Variants in PDE1C observed in about 807,000 individuals in gnomAD.
PDE1C encodes the protein phosphodiesterase 1C, also known as dual specificity calcium/calmodulin-dependent 3',5'-cyclic nucleotide phosphodiesterase 1C.
PDE1C carries 62 observed loss-of-function variants against 93.1 expected under a neutral mutation model. That is an observed-to-expected ratio of 0.67 (90% CI 0.54 to 0.82). The LOEUF is 0.82. PDE1C is among the 40% of genes least tolerant of loss of function. PDE1C has a pLI of 0.00. For synonymous variants in PDE1C, 325 were observed against 310.1 expected, an observed-to-expected ratio of 1.05 and a Z score of -0.50; for missense variants, 742 against 884.6, an observed-to-expected ratio of 0.84 and a Z score of 2.04.
chr7:32,060,024 ACTATC>A (rs1317217391), intron 1 of PDE1C, among the ~76,000 whole-genome samples: 3 of 152,192 alleles, frequency 2.0e-5, no homozygotes, highest in African/African-American at 7.2e-5. Context: ...TAAAAGCAAA[ACTATC>A]TCTTAATATC....
chr7:31,930,650 C>T (rs1417358738), intron 2 of PDE1C, among the ~76,000 whole-genome samples: 1 of 151,896 alleles, frequency 6.6e-6, no homozygotes, highest in South Asian at 2.1e-4. Flanking sequence ...ACCATCCTGG[C>T]TAACACAGTG....
At chr7:31,808,090 G>A (rs1583418707) in intron 16 of PDE1C, among the ~76,000 whole-genome samples, 1 of 151,934 alleles carries the variant, frequency 6.6e-6, no homozygotes, top group South Asian at 2.1e-4. Flanking sequence ...AAAGCTAAAG[G>A]GGCTGCTTCC....
At chr7:32,210,114 T>G (rs1805889996) in intron 1 of PDE1C, among the ~76,000 whole-genome samples, 1 of 152,216 alleles carries the variant, frequency 6.6e-6, no homozygotes, top group African/African-American at 2.4e-5. Context: ...CCCTAAAGCT[T>G]CTCAGCAGGG....
chr7:31,638,831 G>GCTT, the PDE1C span, among the ~76,000 whole-genome samples: 1 of 151,986 alleles, frequency 6.6e-6, no homozygotes, highest in Non-Finnish European at 1.5e-5. Context: ...GGCTGGAGTG[G>GCTT]AGTGACCCAA....
chr7:31,808,114 T>A, intron 16 of PDE1C: 1 of 412,484 alleles, frequency 2.4e-6, no homozygotes, highest in East Asian at 7.5e-5. Flanking sequence ...ATAATAGATG[T>A]GCAAAGAATT....
intron 1 of PDE1C, among the ~76,000 whole-genome samples, chr7:32,286,493 GGGTGTGT>G (rs1251181016): frequency 1.3e-5 from 2 of 152,230 alleles, no homozygotes; most frequent in African/African-American, 4.8e-5. Context: ...TGTGTGGAAG[GGGTGTGT>G]GTTTGTATAT....
intron 1 of PDE1C, among the ~76,000 whole-genome samples, chr7:32,331,816 G>A (rs1432706409): frequency 6.6e-6 from 1 of 152,194 alleles, no homozygotes; most frequent in African/African-American, 2.4e-5. Flanking sequence ...TGAGTTTATA[G>A]TATTGTATAG....
At chr7:31,642,079 G>A in the PDE1C span, 159 of 688,958 alleles carry the variant, frequency 2.3e-4, no homozygotes, top group Admixed American at 4.7e-4. Flanking sequence ...CATTTCTGCA[G>A]GATCCATGGT....
intron 3 of PDE1C, among the ~76,000 whole-genome samples, chr7:32,080,874 G>A (rs536548775): frequency 6.6e-6 from 1 of 152,298 alleles, no homozygotes; most frequent in South Asian, 2.1e-4. Flanking sequence ...AAGGCACTGT[G>A]ACTCGGCCCA....
chr7:32,425,341 C>T (rs557612397), intron 1 of PDE1C, among the ~76,000 whole-genome samples: 1 of 152,046 alleles, frequency 6.6e-6, no homozygotes, highest in East Asian at 1.9e-4. Context: ...GCTACCTAAA[C>T]CCACCTCTCT....
In PDE1C at chr7:32,267,474, GACCCATCAAGC is replaced by G. The variant is rs1418035135; in HGVS notation, c.85+31166_85+31176del. Among the ~76,000 whole-genome samples the G allele has an allele frequency of 2.6e-5, 4 of 152,202 alleles. No individual in the cohort carries two copies. The South Asian group carries it at 8.3e-4, about 32-fold the overall frequency. ...AAAGTGGAGTCAGGTAGAAGGGGGT[GACCCATCAAGC>G]ACTGGGGCCAAGGAGGGCTTCTGGA... On this transcript the variant is annotated intron_variant, in intron 1 of 18. Coordinates refer to the PDE1C transcript ENST00000396193.
At chr7:32,319,541 C>A (rs988175961) in intron 1 of PDE1C, among the ~76,000 whole-genome samples, 9 of 152,236 alleles carry the variant, frequency 5.9e-5, no homozygotes, top group Non-Finnish European at 1.3e-4. Flanking sequence ...TCCTGAGGGC[C>A]ATGGTCTAGG....
chr7:32,293,735 C>T (rs993727242), intron 1 of PDE1C, among the ~76,000 whole-genome samples: 4 of 152,126 alleles, frequency 2.6e-5, no homozygotes, highest in Non-Finnish European at 5.9e-5. Context: ...CTCTGAGATA[C>T]GACTGAGGGA....
intron 1 of PDE1C, among the ~76,000 whole-genome samples, chr7:32,405,277 A>T (rs215739): frequency 6.7e-6 from 1 of 149,204 alleles, no homozygotes; most frequent in Non-Finnish European, 1.5e-5. Flanking sequence ...TTGAGATGGA[A>T]TTTCACTCTT....
chr7:31,705,796 G>A, the PDE1C span, among the ~76,000 whole-genome samples: 1 of 151,898 alleles, frequency 6.6e-6, no homozygotes, highest in African/African-American at 2.4e-5. Context: ...TGGGGAAGCT[G>A]GCTGGAGTGG....
chr7:32,228,490 C>T (rs1047445004), intron 1 of PDE1C, among the ~76,000 whole-genome samples: 18 of 152,256 alleles, frequency 1.2e-4, no homozygotes, highest in African/African-American at 3.1e-4. Context: ...GGAATTTGTC[C>T]GAGGGCACCC....
At chr7:32,361,158 A>G (rs1241873253) in intron 1 of PDE1C, among the ~76,000 whole-genome samples, 5 of 152,108 alleles carry the variant, frequency 3.3e-5, no homozygotes, top group African/African-American at 9.7e-5. Flanking sequence ...CAGTTGGGGA[A>G]GCTGGGGTGA....
intron 2 of PDE1C, among the ~76,000 whole-genome samples, chr7:31,989,446 C>T (rs1418734551): frequency 1.3e-5 from 2 of 152,216 alleles, no homozygotes; most frequent in African/African-American, 4.8e-5. Flanking sequence ...TTATACATTA[C>T]ATACATACAT....
intron 16 of PDE1C, among the ~76,000 whole-genome samples, chr7:31,795,734 G>A (rs977445632): frequency 6.6e-5 from 10 of 151,626 alleles, no homozygotes; most frequent in African/African-American, 2.4e-4. Context: ...GTTTCCCTTA[G>A]TATAACACAA....
Sources: allele counts gnomAD v4.1 joint callset (sites outside exome capture counted in the v4.1 genomes callset), GRCh38; gene constraint gnomAD v4.1.1; transcripts MANE v1.5; gene names NCBI Gene and HGNC (gene_info 2026-07-23, HGNC 2026-07-21).